PCDH7: variants seen among roughly 807,000 people sequenced by gnomAD.
PCDH7 encodes the protein protocadherin-7.
Under a neutral mutation model 58.9 loss-of-function variants are expected in PCDH7, and 17 were observed. That is an observed-to-expected ratio of 0.29 (90% CI 0.20 to 0.43). The LOEUF (loss-of-function observed/expected upper bound fraction) is 0.43, where lower values mean the gene tolerates loss of function less well. PCDH7 is among the 20% of genes least tolerant of loss of function. The probability of loss-of-function intolerance (pLI) is 1.00; values close to 1 mark genes in which losing one functional copy is unlikely to be tolerated. For missense variants in PCDH7, 1,274 were observed against 1,441.0 expected (o/e 0.88, Z 1.88); for synonymous variants, 664 against 616.4 (o/e 1.08, Z -1.14).
At chr4:30,887,919 A>C (rs1348406272) in intron 1 of PCDH7, among the ~76,000 whole-genome samples, 2 of 149,682 alleles carry the variant, frequency 1.3e-5, no homozygotes, top group Admixed American at 6.7e-5. Context: ...TATGTTGTCC[A>C]GGCTGGAGTG....
intron 1 of PCDH7, among the ~76,000 whole-genome samples, chr4:30,907,512 C>T (rs1034526835): frequency 6.6e-6 from 1 of 152,186 alleles, no homozygotes; most frequent in Non-Finnish European, 1.5e-5. Context: ...CTTATCATCA[C>T]TGGTCATCAG....
At chr4:30,800,461 C>T (rs1468081144) in intron 1 of PCDH7, among the ~76,000 whole-genome samples, 3 of 151,938 alleles carry the variant, frequency 2.0e-5, no homozygotes, top group South Asian at 2.1e-4. Context: ...TGCTGAGTAG[C>T]GACTTTAGCC....
chr4:30,878,435 G>C (rs10028966), intron 1 of PCDH7, among the ~76,000 whole-genome samples: 5,536 of 152,182 alleles, frequency 0.036, 332 homozygotes, highest in African/African-American at 0.13. Context: ...TACTAGGAGG[G>C]AGAATGGTAG....
intron 3 of PCDH7, among the ~76,000 whole-genome samples, chr4:31,026,186 A>G (rs1048237100): frequency 5.3e-5 from 8 of 152,166 alleles, no homozygotes; most frequent in Admixed American, 5.2e-4. Context: ...TTCTCCCTTT[A>G]TACCCACTAA....
chr4:30,745,985 A>G (rs1198905272), intron 1 of PCDH7, among the ~76,000 whole-genome samples: 1 of 152,034 alleles, frequency 6.6e-6, no homozygotes, highest in Non-Finnish European at 1.5e-5. Flanking sequence ...GATTACAGGC[A>G]TGCACCACCA....
rs1201981720 is a variant in PCDH7 at position 30,968,376 on chromosome 4, C to CACTATATA, written c.*7+18161_*7+18162insACTATATA. The stretch of plus-strand genomic sequence containing the variant: ...TACACACACTATATATATACACACA[C>CACTATATA]TATATATATATATATATATATATAT... On this transcript the variant is annotated intron_variant, in intron 3 of 3. Transcript: ENST00000509759. 6.0e-5 allele frequency among the ~76,000 whole-genome samples: 4 copies of CACTATATA among 67,056 alleles called. No homozygotes were observed. The South Asian group carries it at 1.5e-3, about 26-fold the overall frequency. The allele number at this position is 67,056 out of a possible 152,430, so 44.0% of individuals were successfully genotyped here.
chr4:30,918,718 A>G (rs1322914679), intron 1 of PCDH7, among the ~76,000 whole-genome samples: 1 of 152,166 alleles, frequency 6.6e-6, no homozygotes, highest in African/African-American at 2.4e-5. Flanking sequence ...GAATTAGAAT[A>G]AAAAGGAAAC....
At chr4:30,756,928 C>T (rs1223760839) in intron 1 of PCDH7, among the ~76,000 whole-genome samples, 1 of 152,206 alleles carries the variant, frequency 6.6e-6, no homozygotes, top group Non-Finnish European at 1.5e-5. Context: ...GACTGAGAGG[C>T]TTGGATCTTT....
chr4:31,022,345 A>C (rs1754096502), intron 3 of PCDH7, among the ~76,000 whole-genome samples: 1 of 152,218 alleles, frequency 6.6e-6, no homozygotes, highest in Admixed American at 6.5e-5. Flanking sequence ...GTAAGTAATG[A>C]CTTTAAAAAT....
intron 3 of PCDH7, among the ~76,000 whole-genome samples, chr4:30,972,348 G>A (rs943514023): frequency 6.6e-6 from 1 of 151,976 alleles, no homozygotes; most frequent in African/African-American, 2.4e-5. Context: ...TTGTGTTTTT[G>A]TGTGCAGGAT....
At chr4:31,106,913 T>C (rs1337877647) in intron 3 of PCDH7, among the ~76,000 whole-genome samples, 2 of 152,212 alleles carry the variant, frequency 1.3e-5, no homozygotes, top group Admixed American at 1.3e-4. Context: ...GAGCATCTCA[T>C]CCTTTCCTAA....
At chr4:30,906,054 A>AT (rs1267759150) in intron 1 of PCDH7, among the ~76,000 whole-genome samples, 1 of 152,182 alleles carries the variant, frequency 6.6e-6, no homozygotes, top group Non-Finnish European at 1.5e-5. Flanking sequence ...AAACCTTGCC[A>AT]TTTCTGTGCT....
intron 3 of PCDH7, among the ~76,000 whole-genome samples, chr4:31,090,342 G>A (rs1444823947): frequency 1.3e-5 from 2 of 152,016 alleles, no homozygotes; most frequent in Admixed American, 1.3e-4. Flanking sequence ...TTTGATACAG[G>A]CATGCAGTGC....
chr4:31,057,242 T>C (rs998618107), intron 3 of PCDH7, among the ~76,000 whole-genome samples: 16 of 152,174 alleles, frequency 1.1e-4, no homozygotes, highest in African/African-American at 3.6e-4. Flanking sequence ...ATTGACTTTA[T>C]TTTTCTGACT....
At chr4:31,100,946 C>A (rs900752906) in intron 3 of PCDH7, among the ~76,000 whole-genome samples, 26 of 152,120 alleles carry the variant, frequency 1.7e-4, no homozygotes, top group African/African-American at 6.3e-4. Context: ...AGAATATTTG[C>A]AACTCTAAAA....
At chr4:30,943,722 C>CT (rs1648448691) in intron 2 of PCDH7, among the ~76,000 whole-genome samples, 1 of 150,274 alleles carries the variant, frequency 6.7e-6, no homozygotes. Flanking sequence ...TTTTTTTTTG[C>CT]TGTTTTTTTT....
chr4:31,110,065 G>T (rs1307256090), intron 3 of PCDH7, among the ~76,000 whole-genome samples: 5 of 152,136 alleles, frequency 3.3e-5, no homozygotes, highest in Non-Finnish European at 7.4e-5. Context: ...AGCATTTATG[G>T]CTACCTAGGC....
At chr4:30,814,765 ATTC>A (rs1012992329) in intron 1 of PCDH7, among the ~76,000 whole-genome samples, 1 of 152,174 alleles carries the variant, frequency 6.6e-6, no homozygotes, top group Non-Finnish European at 1.5e-5. Context: ...AATTAAAGAT[ATTC>A]TTTAGGTTTT....
chr4:31,129,880 G>A (rs1359045143), intron 3 of PCDH7, among the ~76,000 whole-genome samples: 3 of 152,008 alleles, frequency 2.0e-5, no homozygotes, highest in East Asian at 1.9e-4. Flanking sequence ...CACCCACCTC[G>A]GCCTCCCAAA....
Sources: gnomAD v4.1 joint callset for allele counts (sites outside exome capture counted in the v4.1 genomes callset) on GRCh38, gnomAD v4.1.1 for gene constraint, MANE v1.5 for transcripts, NCBI Gene and HGNC (gene_info 2026-07-23, HGNC 2026-07-21) for gene names.